RGL1: variants seen among roughly 807,000 people sequenced by gnomAD.
RGL1 encodes the protein ral guanine nucleotide dissociation stimulator like 1.
Under a neutral mutation model 95.2 loss-of-function variants are expected in RGL1, and 24 were observed. The observed-to-expected ratio is 0.25, with a 90% confidence interval of 0.18 to 0.35. The LOEUF is 0.35. Ranked by LOEUF, RGL1 falls within the 10% of genes least tolerant of loss-of-function variation. The probability of loss-of-function intolerance (pLI) is 1.00; values close to 1 mark genes in which losing one functional copy is unlikely to be tolerated. For missense variants in RGL1, 715 were observed against 936.3 expected, an observed-to-expected ratio of 0.76 and a Z score of 3.08; for synonymous variants, 329 against 344.9, an observed-to-expected ratio of 0.95 and a Z score of 0.51.
chr1:183,771,927 A>C (rs1659296086), intron 2 of RGL1, among the ~76,000 whole-genome samples: 1 of 152,206 alleles, frequency 6.6e-6, no homozygotes, highest in African/African-American at 2.4e-5. Context: ...CGGTGAGAGG[A>C]CACGGAGGGG....
At chr1:183,657,692 G>A (rs886088521) in intron 1 of RGL1, among the ~76,000 whole-genome samples, 1 of 151,652 alleles carries the variant, frequency 6.6e-6, no homozygotes, top group African/African-American at 2.4e-5. Context: ...GTCTATCGTT[G>A]TTGGACATTT....
At chr1:183,668,126 C>T (rs556306268) in intron 1 of RGL1, among the ~76,000 whole-genome samples, 3 of 152,174 alleles carry the variant, frequency 2.0e-5, no homozygotes, top group East Asian at 3.9e-4. Flanking sequence ...TTACCCTTTA[C>T]GTATTCATTC....
chr1:183,708,028 A>G (rs1237057176), intron 1 of RGL1, among the ~76,000 whole-genome samples: 2 of 152,220 alleles, frequency 1.3e-5, no homozygotes, highest in Non-Finnish European at 2.9e-5. Flanking sequence ...GTTGTCGGCA[A>G]TAATTGCTTA....
rs35102328 is a variant in RGL1, at chr1:183,730,239, G to C, written c.-32-11887G>C. ...CATAGTATAAAGCCTGTTCCATATT[G>C]GGCACTGTGTCAGGCATTCCTGTGA... On this transcript the variant is annotated intron_variant, in intron 1 of 18. Transcript: ENST00000304685. Among the ~76,000 whole-genome samples, 698 of 152,234 alleles carry C rather than the reference G, an allele frequency of 4.6e-3. 3 individuals carry two copies. Among genetic ancestry groups the C allele is most frequent in the Middle Eastern group, 0.027 (8 of 294 alleles).
At chr1:183,902,541 C>T in intron 11 of RGL1, 27 bp from the exon 12 acceptor site, 1 of 1,598,790 alleles carries the variant, frequency 6.3e-7, no homozygotes, top group African/African-American at 1.3e-5. Context: ...CTTGGTTGCT[C>T]ACTCTTTTTA....
intron 4 of RGL1, among the ~76,000 whole-genome samples, chr1:183,876,589 G>C (rs1156515172): frequency 2.0e-5 from 3 of 152,246 alleles, no homozygotes; most frequent in African/African-American, 7.2e-5. Context: ...TAATCATCCA[G>C]TTTGGCTTCA....
chr1:183,656,463 A>G (rs1651173355), intron 1 of RGL1, among the ~76,000 whole-genome samples: 1 of 152,132 alleles, frequency 6.6e-6, no homozygotes, highest in Non-Finnish European at 1.5e-5. Flanking sequence ...ACTGTAACCT[A>G]CTCTTGTACC....
At chr1:183,849,453 G>A (rs1409272612) in intron 3 of RGL1, among the ~76,000 whole-genome samples, 1 of 148,182 alleles carries the variant, frequency 6.7e-6, no homozygotes, top group Non-Finnish European at 1.5e-5. Flanking sequence ...TTATTATATG[G>A]ATAGACATTT....
At chr1:183,780,322 G>A (rs1208650176) in intron 2 of RGL1, among the ~76,000 whole-genome samples, 1 of 152,170 alleles carries the variant, frequency 6.6e-6, no homozygotes, top group Non-Finnish European at 1.5e-5. Flanking sequence ...AGGGATACAG[G>A]ATGTGGCCAT....
intron 1 of RGL1, among the ~76,000 whole-genome samples, chr1:183,670,106 T>A (rs1291169521): frequency 2.0e-5 from 3 of 152,172 alleles, no homozygotes; most frequent in Non-Finnish European, 4.4e-5. Context: ...TGCCCCTGAA[T>A]TGTGAACTTC....
At chr1:183,846,461 G>A (rs1664440376) in intron 2 of RGL1, among the ~76,000 whole-genome samples, 1 of 151,776 alleles carries the variant, frequency 6.6e-6, no homozygotes, top group South Asian at 2.1e-4. Flanking sequence ...ATGGGTTGAT[G>A]GGTGCAACAA....
intron 16 of RGL1, among the ~76,000 whole-genome samples, chr1:183,917,029 G>C (rs1558294012): frequency 6.6e-6 from 1 of 152,178 alleles, no homozygotes; most frequent in South Asian, 2.1e-4. Flanking sequence ...CAGTGTAAAT[G>C]TGCTCCAGGG....
At chr1:183,702,686 C>T (rs12092963) in intron 1 of RGL1, among the ~76,000 whole-genome samples, 27,283 of 152,052 alleles carry the variant, frequency 0.18, 3,370 homozygotes, top group African/African-American at 0.35. Context: ...ACTCATGGGG[C>T]ACATACTGAT....
intron 16 of RGL1, among the ~76,000 whole-genome samples, chr1:183,916,934 G>C (rs1669016578): frequency 6.6e-6 from 1 of 151,986 alleles, no homozygotes; most frequent in African/African-American, 2.4e-5. Flanking sequence ...GTGTATATAG[G>C]ATATAATTTT....
At chr1:183,637,422 G>A (rs1269888978) in intron 1 of RGL1, among the ~76,000 whole-genome samples, 1 of 152,174 alleles carries the variant, frequency 6.6e-6, no homozygotes, top group Non-Finnish European at 1.5e-5. Context: ...GTGAAAGACC[G>A]TACAGTTTGA....
intron 1 of RGL1, among the ~76,000 whole-genome samples, chr1:183,712,992 C>A (rs753325086): frequency 6.6e-6 from 1 of 152,072 alleles, no homozygotes; most frequent in African/African-American, 2.4e-5. Context: ...CTTCCTTTGC[C>A]TTTGATGATC....
intron 2 of RGL1, chr1:183,742,329 A>T: frequency 6.2e-7 from 1 of 1,612,612 alleles, no homozygotes; most frequent in Non-Finnish European, 8.5e-7. Context: ...GAAATGTTGG[A>T]TTTGTTTATA....
At chr1:183,645,826 G>A (rs1049402690) in intron 1 of RGL1, among the ~76,000 whole-genome samples, 3 of 152,232 alleles carry the variant, frequency 2.0e-5, no homozygotes, top group Non-Finnish European at 4.4e-5. Context: ...TCTTCTAACA[G>A]TCTTTTGTCT....
chr1:183,664,152 A>T (rs1029361019), intron 1 of RGL1, among the ~76,000 whole-genome samples: 11 of 151,974 alleles, frequency 7.2e-5, no homozygotes, highest in African/African-American at 2.7e-4. Flanking sequence ...AGCATGACAC[A>T]TGTATACATA....
Sources: allele counts gnomAD v4.1 joint callset (sites outside exome capture counted in the v4.1 genomes callset), GRCh38; gene constraint gnomAD v4.1.1; transcripts MANE v1.5; gene names NCBI Gene and HGNC (gene_info 2026-07-23, HGNC 2026-07-21).